Variants in ADAM22 observed in about 807,000 individuals in gnomAD.
ADAM22 encodes the protein ADAM metallopeptidase domain 22.
ADAM22 carries 65 observed loss-of-function variants against 144.6 expected under a neutral mutation model. That is an observed-to-expected ratio of 0.45 (90% confidence interval 0.37 to 0.55). The LOEUF (loss-of-function observed/expected upper bound fraction) is 0.55, where lower values mean the gene tolerates loss of function less well. Ranked by LOEUF, ADAM22 falls within the 20% of genes least tolerant of loss-of-function variation. ADAM22 has a pLI of 0.00. For missense variants in ADAM22, 974 were observed against 1,184.9 expected (o/e 0.82, Z 2.61); for synonymous variants, 391 against 412.6 (o/e 0.95, Z 0.63).
intron 21 of ADAM22, among the ~76,000 whole-genome samples, chr7:88,154,230 T>C (rs987878020): frequency 6.6e-6 from 1 of 152,234 alleles, no homozygotes; most frequent in African/African-American, 2.4e-5. Context: ...TTTTGCTGAA[T>C]GTCATAGTCT....
At chr7:88,029,043 T>A (rs1246710802) in intron 3 of ADAM22, among the ~76,000 whole-genome samples, 2 of 152,052 alleles carry the variant, frequency 1.3e-5, no homozygotes, top group Admixed American at 1.3e-4. Flanking sequence ...ATATGAGATG[T>A]TTCATTCTCT....
chr7:88,172,854 C>T (rs1026077785), intron 26 of ADAM22, among the ~76,000 whole-genome samples: 8 of 151,892 alleles, frequency 5.3e-5, no homozygotes, highest in Non-Finnish European at 1.2e-4. Flanking sequence ...CAGGAGCCGC[C>T]GTTTAGACTT....
chr7:88,184,112 A>G (rs1847758084), intron 29 of ADAM22, among the ~76,000 whole-genome samples: 1 of 152,144 alleles, frequency 6.6e-6, no homozygotes, highest in Non-Finnish European at 1.5e-5. Flanking sequence ...AGATGATGAA[A>G]AATTGGGACA....
chr7:88,061,029 A>G (rs374177583), intron 3 of ADAM22, among the ~76,000 whole-genome samples: 1 of 151,992 alleles, frequency 6.6e-6, no homozygotes, highest in East Asian at 1.9e-4. Context: ...ACTTGAACCC[A>G]GGAAACAAAG....
Position 87,964,709 on chromosome 7 carries a change from T to A in ADAM22, c.247-13627T>A, listed in dbSNP as rs778083011. The stretch of plus-strand genomic sequence containing the variant: ...GGTAATGCAGTACCTATAACAAAAA[T>A]TTTCATTTTGGATGTTAGTATTTTC... On this transcript the variant is annotated intron_variant, in intron 2 of 31. Coordinates refer to ENST00000413139, the MANE Select transcript of ADAM22 (RefSeq NM_001324418.2). 8.2e-5 allele frequency: 31 copies of A among 375,796 alleles called. 1 individual carries two copies. Among genetic ancestry groups the A allele is most frequent in the South Asian group, 4.9e-4 (24 of 49,166 alleles). The allele number at this position is 375,796 out of a possible 1,614,324, so 23.3% of individuals were successfully genotyped here. A position where few individuals can be genotyped will look rare whatever the true frequency, so the allele number is the denominator to read the frequency against.
chr7:88,037,525 C>T (rs1273434938), intron 3 of ADAM22, among the ~76,000 whole-genome samples: 1 of 152,110 alleles, frequency 6.6e-6, no homozygotes, highest in Non-Finnish European at 1.5e-5. Flanking sequence ...TTAAGTCTGC[C>T]TGCTGTCCAA....
chr7:88,171,504 T>C, intron 25 of ADAM22, 40 bp from the exon 26 acceptor site: 1 of 1,574,812 alleles, frequency 6.3e-7, no homozygotes, highest in African/African-American at 1.4e-5. Flanking sequence ...GGTAACTAAC[T>C]CTTATGTTTT....
In ADAM22 at chr7:88,041,609, C is replaced by T. The variant is rs187260051; in HGVS notation, c.324-34017C>T. ...AATTTAAGATTAATTTTGCAAATATCATGTTTTTAATGAGAGATACACGCC... is the reference window on the plus strand; with the variant it reads ...AATTTAAGATTAATTTTGCAAATATTATGTTTTTAATGAGAGATACACGCC... On this transcript the variant is annotated intron_variant, in intron 3 of 31. Transcript: ENST00000413139. Among the ~76,000 whole-genome samples the T allele has an allele frequency of 3.6e-4, 55 of 152,030 alleles. 1 individual carries two copies. The East Asian group carries it at 8.1e-3, about 22-fold the overall frequency.
At chr7:88,117,917 A>G (rs1412308256) in intron 7 of ADAM22, among the ~76,000 whole-genome samples, 1 of 150,358 alleles carries the variant, frequency 6.7e-6, no homozygotes, top group Non-Finnish European at 1.5e-5. Context: ...CTGGTCTCGA[A>G]CTCCTGACCT....
Position 88,196,484 on chromosome 7 carries a change from C to A in ADAM22, c.2888C>A (p.Ser963Tyr). 6.2e-7 allele frequency: 1 copy of A among 1,614,094 alleles called. No individual in the cohort carries two copies. The highest frequency in any genetic ancestry group is 8.5e-7 in the Non-Finnish European group (1 of 1,180,008). Reference sequence around the variant, plus strand: ...TCTGTTGTGCAGCTATGGGAGACATCCATTTAAGATCAACTGTTTACATGT... The same window carrying A: ...TCTGTTGTGCAGCTATGGGAGACATACATTTAAGATCAACTGTTTACATGT... Reference protein sequence around the residue: ...NRQSARLWETSI With the variant: ...NRQSARLWETYI Residue 963 changes from serine (S) to tyrosine (Y), a missense_variant, in exon 32 of 32, where the codon TCC becomes TAC. By Grantham distance (144) the Ser-to-Tyr change is moderately radical. Coordinates refer to ENST00000413139, the MANE Select transcript of ADAM22 (RefSeq NM_001324418.2).
intron 3 of ADAM22, among the ~76,000 whole-genome samples, chr7:87,981,043 A>AT (rs1183056747): frequency 4.0e-5 from 6 of 151,584 alleles, no homozygotes; most frequent in African/African-American, 1.5e-4. Context: ...ATTCAGTCCA[A>AT]TTTTTTTTTC....
chr7:88,149,158 G>A, intron 18 of ADAM22, 101 bp downstream of exon 18: 1 of 782,686 alleles, frequency 1.3e-6, no homozygotes, highest in Non-Finnish European at 2.1e-6. Context: ...AGATGCTCGT[G>A]TCTCTTTCAC....
At chr7:88,063,836 A>G (rs1017340417) in intron 3 of ADAM22, among the ~76,000 whole-genome samples, 7 of 152,238 alleles carry the variant, frequency 4.6e-5, no homozygotes, top group Non-Finnish European at 8.8e-5. Context: ...GGATTTCTGT[A>G]CTTACAAATC....
intron 3 of ADAM22, among the ~76,000 whole-genome samples, chr7:88,004,871 C>A (rs1793413472): frequency 6.6e-6 from 1 of 152,032 alleles, no homozygotes; most frequent in Non-Finnish European, 1.5e-5. Flanking sequence ...GACATTTTTT[C>A]CAAATAATTT....
chr7:88,070,471 C>T (rs1418369019), intron 3 of ADAM22, among the ~76,000 whole-genome samples: 1 of 152,204 alleles, frequency 6.6e-6, no homozygotes, highest in East Asian at 1.9e-4. Context: ...TTACATCTTA[C>T]TGGCAGCACC....
At chr7:88,068,841 G>A (rs890457382) in intron 3 of ADAM22, among the ~76,000 whole-genome samples, 1 of 152,118 alleles carries the variant, frequency 6.6e-6, no homozygotes, top group African/African-American at 2.4e-5. Context: ...CTGACAGCAT[G>A]GTGGCTGGAT....
At chr7:88,168,717 TAA>T (rs1843506524) in intron 25 of ADAM22, among the ~76,000 whole-genome samples, 1 of 152,196 alleles carries the variant, frequency 6.6e-6, no homozygotes, top group African/African-American at 2.4e-5. Context: ...ATAACTAATT[TAA>T]GTTTAATAAG....
chr7:88,145,584 T>A, intron 17 of ADAM22, 77 bp downstream of exon 17: 1 of 1,168,244 alleles, frequency 8.6e-7, no homozygotes, highest in Admixed American at 1.9e-5. Context: ...GTAAATATAA[T>A]CTAATAACAG....
intron 4 of ADAM22, among the ~76,000 whole-genome samples, chr7:88,107,329 G>A (rs886139364): frequency 2.0e-5 from 3 of 150,438 alleles, no homozygotes; most frequent in Non-Finnish European, 4.4e-5. Context: ...AGCCTCCCGA[G>A]TAACTGGGAT....
Sources: gnomAD v4.1 joint callset for allele counts (sites outside exome capture counted in the v4.1 genomes callset) on GRCh38, gnomAD v4.1.1 for gene constraint, MANE v1.5 for transcripts, NCBI Gene and HGNC (gene_info 2026-07-23, HGNC 2026-07-21) for gene names.